Variants in MSR1 observed in about 807,000 individuals in gnomAD.
MSR1 encodes macrophage scavenger receptor 1, also known as macrophage scavenger receptor types I and II.
MSR1 carries 53 observed loss-of-function variants against 47.2 expected under a neutral mutation model. The ratio of observed to expected loss-of-function variants is 1.12; its 90% CI spans 0.90 to 1.41. The LOEUF (loss-of-function observed/expected upper bound fraction) is 1.41, where lower values mean the gene tolerates loss of function less well. Among genes scored for constraint, MSR1 ranks in the 40% most tolerant of loss-of-function variants. MSR1 has a pLI of 0.00. For synonymous variants in MSR1, 239 were observed against 185.6 expected (o/e 1.29, Z -2.34); for missense variants, 786 against 546.9 (o/e 1.44, Z -4.36).
chr8:16,170,234 T>G (rs1177058132), intron 3 of MSR1, among the ~76,000 whole-genome samples: 1 of 151,674 alleles, frequency 6.6e-6, no homozygotes, highest in African/African-American at 2.4e-5. Context: ...TGCAGGCCCA[T>G]CTACTCAGGA....
At chr8:16,160,321 TA>T (rs1281362455) in intron 5 of MSR1, among the ~76,000 whole-genome samples, 1 of 151,972 alleles carries the variant, frequency 6.6e-6, no homozygotes, top group Admixed American at 6.6e-5. Context: ...ATAAAATAAT[TA>T]AAATTGATAG....
intron 1 of MSR1, among the ~76,000 whole-genome samples, chr8:16,188,177 T>C (rs1275948223): frequency 6.6e-6 from 1 of 152,176 alleles, no homozygotes; most frequent in Non-Finnish European, 1.5e-5. Context: ...CAGCATTTTA[T>C]CAAGTGGATG....
At chr8:16,139,900 A>ATTTTT (rs780976836) in intron 8 of MSR1, 1 of 413,424 alleles carries the variant, frequency 2.4e-6, no homozygotes, top group Admixed American at 6.6e-5. Context: ...AGGAATTAAA[A>ATTTTT]TTTTTTTATC....
chr8:16,124,660 G>C (rs1327344302), intron 8 of MSR1, among the ~76,000 whole-genome samples: 1 of 152,036 alleles, frequency 6.6e-6, no homozygotes, highest in Non-Finnish European at 1.5e-5. Flanking sequence ...AATTTCGATT[G>C]GTTACTCAAT....
At chr8:16,186,149 T>A in intron 1 of MSR1, 1 of 1,532,696 alleles carries the variant, frequency 6.5e-7, no homozygotes, top group South Asian at 1.2e-5. Flanking sequence ...TGAAAGTTGT[T>A]CATGCTCACG....
At position 16,122,065 on chromosome 8, in the gene MSR1, T is replaced by A. The variant is rs191438103; in HGVS notation, c.1034-1459A>T. On this transcript the variant is annotated intron_variant, in intron 8 of 9. Transcript: ENST00000262101. ...ACATAAAAGGTGGCATGTTACTATA[T>A]ATATAATTATAATTATTCTCTTGAT... 4.8e-4 allele frequency among the ~76,000 whole-genome samples: 73 copies of A among 152,228 alleles called. No individual in the cohort carries two copies. In the East Asian group the frequency reaches 9.5e-3, roughly 20 times the overall value.
chr8:16,179,879 C>CAAAAA (rs58441043), intron 1 of MSR1, among the ~76,000 whole-genome samples: 1 of 80,956 alleles, frequency 1.2e-5, no homozygotes, highest in Non-Finnish European at 2.3e-5. Flanking sequence ...CCCTGTGTCT[C>CAAAAA]AAAAAAAAAA....
chr8:16,164,832 G>A (rs548090269), intron 4 of MSR1, among the ~76,000 whole-genome samples: 8 of 151,974 alleles, frequency 5.3e-5, no homozygotes, highest in African/African-American at 1.9e-4. Context: ...TCAAATACAC[G>A]TATATTTTGT....
At position 16,175,115 on chromosome 8, in the gene MSR1, C is replaced by T. The variant is rs1801603115; in HGVS notation, c.217+72G>A. 5.0e-6 allele frequency: 6 copies of T among 1,205,686 alleles called. No homozygotes were observed. In the Admixed American group the frequency reaches 5.2e-5, roughly 10 times the overall value. The allele number at this position is 1,205,686 out of a possible 1,614,324, so 74.7% of individuals were successfully genotyped here. On this transcript the variant is annotated intron_variant, in intron 3 of 9. Transcript: ENST00000262101. ...TGTACCATATACAAAAGACTGAATG[C>T]TTCTTTTTTGCTTTGGCAATGAATA...
intron 1 of MSR1, among the ~76,000 whole-genome samples, chr8:16,181,176 A>T (rs1007451847): frequency 6.6e-6 from 1 of 152,194 alleles, no homozygotes; most frequent in African/African-American, 2.4e-5. Context: ...TTTAAAATAT[A>T]GTTGAATAAT....
chr8:16,145,841 G>A (rs1011422555), intron 7 of MSR1, among the ~76,000 whole-genome samples: 16 of 152,172 alleles, frequency 1.1e-4, no homozygotes, highest in Admixed American at 5.2e-4. Flanking sequence ...GGAATGTAGT[G>A]GTCCTTCAGA....
chr8:16,183,156 C>G (rs1801885439), intron 1 of MSR1, among the ~76,000 whole-genome samples: 1 of 152,108 alleles, frequency 6.6e-6, no homozygotes, highest in South Asian at 2.1e-4. Flanking sequence ...TCCTTTCAGG[C>G]TACCTACTGG....
At position 16,175,190 on chromosome 8, in the gene MSR1, C is replaced by T. The variant is rs933680283; in HGVS notation, c.214G>A (p.Ala72Thr). The T allele has an allele frequency of 6.2e-6, 10 of 1,613,180 alleles. No homozygotes were observed. The highest frequency in any genetic ancestry group is 1.3e-5 in the African/African-American group (1 of 74,850). Residue 72 changes from alanine (A) to threonine (T), a missense_variant, in exon 3 of 10, where the codon GCA (alanine) becomes ACA (threonine). Physicochemically the swap from Ala to Thr is moderately conservative, Grantham distance 58 (BLOSUM62 0). Coordinates refer to ENST00000262101, the MANE Select transcript of MSR1 (RefSeq NM_138715.3). ...TCAAAACTCTGGGTTACGTTACCTG[C>T]CACTATTCCAATGAGAGGGATGAGA... ...AVLIPLIGIV[A>T]AQLLKWETKN...
intron 8 of MSR1, chr8:16,141,006 G>A (rs748796506): frequency 6.2e-7 from 1 of 1,613,786 alleles, no homozygotes; most frequent in African/African-American, 1.3e-5. Flanking sequence ...CTGATCTTAA[G>A]AGGGCCCTGC....
Position 16,150,140 on chromosome 8 carries a change from GTATATATATA to G in MSR1, c.979+81_979+90del, listed in dbSNP as rs55913131. Reference sequence around the variant, plus strand: ...TATGTGTGTGTGTATGTGTGTGTGTGTATATATATATATATATATATATATATATATAAAA... The same window carrying G: ...TATGTGTGTGTGTATGTGTGTGTGTGTATATATATATATATATATATAAAA... On this transcript the variant is annotated intron_variant, in intron 7 of 9. Coordinates refer to ENST00000262101, the MANE Select transcript of MSR1 (RefSeq NM_138715.3). 8.1e-3 allele frequency: 1,441 copies of G among 178,280 alleles called. 38 individuals are homozygous for G. Among genetic ancestry groups the G allele is most frequent in the African/African-American group, 0.038 (1,222 of 32,412 alleles). The allele number at this position is 178,280 out of a possible 1,614,324, so 11.0% of individuals were successfully genotyped here. A position where few individuals can be genotyped will look rare whatever the true frequency, so the allele number is the denominator to read the frequency against.
intron 8 of MSR1, among the ~76,000 whole-genome samples, chr8:16,125,423 T>TTATATATGTTTA (rs1172598775): frequency 2.0e-5 from 3 of 152,144 alleles, no homozygotes; most frequent in Admixed American, 1.3e-4. Context: ...ACATTTTTCT[T>TTATATATGTTTA]TATATATGTT....
chr8:16,119,229 T>C (rs1195081045), intron 9 of MSR1, among the ~76,000 whole-genome samples: 1 of 152,140 alleles, frequency 6.6e-6, no homozygotes, highest in Admixed American at 6.5e-5. Context: ...AAACCTAATA[T>C]GATAATTATT....
At chr8:16,139,633 C>G (rs990399671) in intron 8 of MSR1, 1 of 970,964 alleles carries the variant, frequency 1.0e-6, no homozygotes, top group Non-Finnish European at 1.2e-6. Context: ...TATTGGTATT[C>G]TTTTTCATGA....
chr8:16,141,043 G>C, intron 8 of MSR1: 1 of 1,613,146 alleles, frequency 6.2e-7, no homozygotes, highest in Non-Finnish European at 8.5e-7. Context: ...AGTTGTACTG[G>C]TCCTGACACA....
Sources: gnomAD v4.1 joint callset for allele counts (sites outside exome capture counted in the v4.1 genomes callset) on GRCh38, gnomAD v4.1.1 for gene constraint, MANE v1.5 for transcripts, NCBI Gene and HGNC (gene_info 2026-07-23, HGNC 2026-07-21) for gene names.